The following TFAP2B variants were observed in gnomAD, a reference collection of about 807,000 sequenced individuals.
TFAP2B encodes transcription factor AP-2 beta.
In TFAP2B, 9 loss-of-function variants were observed where a neutral mutation model predicts 44.3. The ratio of observed to expected loss-of-function variants is 0.20; its 90% CI spans 0.12 to 0.35. The LOEUF is 0.35. Among genes scored for constraint, TFAP2B ranks in the 10% least tolerant of loss-of-function variants. TFAP2B has a pLI of 1.00. For synonymous variants in TFAP2B, 270 were observed against 263.8 expected, an observed-to-expected ratio of 1.02 and a Z score of -0.23; for missense variants, 509 against 600.0, an observed-to-expected ratio of 0.85 and a Z score of 1.59.
chr6:50,823,942 G>A (rs1770433987), intron 2 of TFAP2B, 77 bp downstream of exon 2: 1 of 1,448,544 alleles, frequency 6.9e-7, no homozygotes, highest in African/African-American at 1.4e-5. Flanking sequence ...GAGGTCAGGA[G>A]AGGGCAGCTC....
upstream of TFAP2B, chr6:50,818,658 G>T: frequency 1.9e-6 from 1 of 534,378 alleles, no homozygotes; most frequent in Non-Finnish European, 3.4e-6. Flanking sequence ...TGTAAATACG[G>T]GTTTATGATT....
rs1770429593 is a variant in TFAP2B at position 50,823,841 on chromosome 6, C to A, written c.516C>A (p.Gly172=). ...ACAGCCTCTCGCTGCACGGCCTCGG[C>A]CATCCCGGAATGGAAGACGTCCAGG... ...MGDSLSLHGL[G]HPGMEDVQSV... is the part of the protein sequence containing the mutation. The change falls in exon 2 of 7, where the codon GGC becomes GGA. Residue 172 remains glycine, a synonymous_variant. Coordinates refer to ENST00000393655, the MANE Select transcript of TFAP2B (RefSeq NM_003221.4). The A allele has an allele frequency of 6.4e-7, 1 of 1,559,920 alleles. No homozygotes were observed. The highest frequency in any genetic ancestry group is 8.7e-7 in the Non-Finnish European group (1 of 1,153,478).
Position 50,843,528 on chromosome 6 carries a change from T to A in TFAP2B, c.*136T>A, listed in dbSNP as rs2982621. 631,745 of 795,956 alleles carry A rather than the reference T, an allele frequency of 0.79. 245,215 individuals are homozygous for A. Among genetic ancestry groups the A allele is most frequent in the East Asian group, 0.92 (26,547 of 28,848 alleles). 49.3% of individuals were successfully genotyped at this position (795,956 alleles called of 1,614,324 possible). A position where few individuals can be genotyped will look rare whatever the true frequency, so the allele number is the denominator to read the frequency against. ...TAGAATACACATACAATCAAAATTT[T>A]AAAAAAAAAAGCTAAATAACTTAAA... On this transcript the variant is annotated 3_prime_UTR_variant, in exon 7 of 7. Transcript: ENST00000393655.
At chr6:50,836,741 T>G (rs1363506596) in intron 4 of TFAP2B, among the ~76,000 whole-genome samples, 1 of 152,308 alleles carries the variant, frequency 6.6e-6, no homozygotes, top group South Asian at 2.1e-4. Flanking sequence ...TTATTGCATG[T>G]TTTAAATGCA....
rs563259822 is a variant in TFAP2B at position 50,843,533 on chromosome 6, A to G, written c.*141A>G. 61 of 913,242 alleles carry G rather than the reference A, an allele frequency of 6.7e-5. 1 individual carries two copies. In the South Asian group the frequency reaches 7.3e-4, roughly 11 times the overall value. The allele number at this position is 913,242 out of a possible 1,614,324, so 56.6% of individuals were successfully genotyped here. A position where few individuals can be genotyped will look rare whatever the true frequency, so the allele number is the denominator to read the frequency against. ...TACACATACAATCAAAATTTTAAAA[A>G]AAAAAGCTAAATAACTTAAAAAAAA... is the stretch of plus-strand genomic sequence containing the variant. On this transcript the variant is annotated 3_prime_UTR_variant, in exon 7 of 7. Transcript: ENST00000393655.
At chr6:50,826,576 C>G (rs529544783) in intron 2 of TFAP2B, among the ~76,000 whole-genome samples, 4 of 143,760 alleles carry the variant, frequency 2.8e-5, no homozygotes, top group Non-Finnish European at 6.0e-5. Context: ...AGCGCGCGCG[C>G]GCGCGCGCGC....
intron 3 of TFAP2B, among the ~76,000 whole-genome samples, chr6:50,831,028 T>G (rs1379011070): frequency 6.6e-6 from 1 of 152,180 alleles, no homozygotes; most frequent in African/African-American, 2.4e-5. Flanking sequence ...GAGTCTGTGT[T>G]TATGAAGCTA....
In TFAP2B at chr6:50,844,772, G is replaced by C. The variant is rs573299110; in HGVS notation, c.*1380G>C. On this transcript the variant is annotated 3_prime_UTR_variant, in exon 7 of 7. Transcript: ENST00000393655. Reference sequence around the variant, plus strand: ...GGTGATTGCTGTTTAAGCAAGGAAAGAAGCAGCTTTACGAGTGGACGTGGG... The same window carrying C: ...GGTGATTGCTGTTTAAGCAAGGAAACAAGCAGCTTTACGAGTGGACGTGGG... The C allele has an allele frequency of 3.9e-5, 6 of 152,352 alleles. No individual in the cohort carries two copies. In the East Asian group the frequency reaches 9.7e-4, roughly 25 times the overall value. The allele number at this position is 152,352 out of a possible 1,614,324, so 9.4% of individuals were successfully genotyped here.
upstream of TFAP2B, chr6:50,818,646 G>A: frequency 2.0e-6 from 1 of 509,768 alleles, no homozygotes; most frequent in Non-Finnish European, 3.5e-6. Context: ...TGGGTGTCTG[G>A]GTGTAAATAC....
intron 3 of TFAP2B, among the ~76,000 whole-genome samples, chr6:50,835,271 A>C (rs983175064): frequency 3.3e-5 from 5 of 152,368 alleles, no homozygotes; most frequent in African/African-American, 9.6e-5. Context: ...TGATCAGGGC[A>C]CCTGTTGTAA....
In TFAP2B at chr6:50,828,688, A is replaced by C; in HGVS notation, c.601+9A>C. ...GTCTGTCATTAAAAAAGGTATGGATAATTCCCCCCAAAAAGTAAGCAAAGT... is the reference window on the plus strand; with the variant it reads ...GTCTGTCATTAAAAAAGGTATGGATCATTCCCCCCAAAAAGTAAGCAAAGT... On this transcript the variant is annotated intron_variant, in intron 3 of 6. Coordinates refer to ENST00000393655, the MANE Select transcript of TFAP2B (RefSeq NM_003221.4). 6.2e-7 allele frequency: 1 copy of C among 1,613,998 alleles called. No homozygotes were observed. Among genetic ancestry groups the C allele is most frequent in the Non-Finnish European group, 8.5e-7 (1 of 1,179,918 alleles).
chr6:50,821,827 CG>C, intron 1 of TFAP2B: 3 of 251,846 alleles, frequency 1.2e-5, no homozygotes, highest in Admixed American at 4.9e-5. Context: ...GAGGAAGGGG[CG>C]GCCGAGCAGT....
chr6:50,819,955 C>G (rs1291155318), intron 1 of TFAP2B, among the ~76,000 whole-genome samples: 1 of 151,802 alleles, frequency 6.6e-6, no homozygotes, highest in Non-Finnish European at 1.5e-5. Flanking sequence ...CGCTTTTAAG[C>G]GGAATGGTCT....
chr6:50,842,293 G>C (rs181420577), intron 6 of TFAP2B, among the ~76,000 whole-genome samples: 1 of 152,216 alleles, frequency 6.6e-6, no homozygotes, highest in Non-Finnish European at 1.5e-5. Flanking sequence ...AGGTAGGCAC[G>C]CAGGATTTCT....
rs180807882 is a variant in TFAP2B, at chr6:50,842,959, A to G, written c.1083-133A>G. 2.4e-6 allele frequency: 3 copies of G among 1,247,134 alleles called. No homozygotes were observed. In the African/African-American group the frequency reaches 4.4e-5, roughly 18 times the overall value. 77.3% of individuals were successfully genotyped at this position (1,247,134 alleles called of 1,614,324 possible). ...AAGGGAGGGCGCTGGGAAAGGAAAC[A>G]GAGCGGAATCGCCCACATTAGCCTC... On this transcript the variant is annotated intron_variant, in intron 6 of 6. Coordinates refer to ENST00000393655, the MANE Select transcript of TFAP2B (RefSeq NM_003221.4).
At chr6:50,837,652 C>T (rs1316999660) in intron 4 of TFAP2B, among the ~76,000 whole-genome samples, 2 of 152,138 alleles carry the variant, frequency 1.3e-5, no homozygotes, top group African/African-American at 4.8e-5. Flanking sequence ...AACTCCATGA[C>T]AAGGAAGGAA....
intron 1 of TFAP2B, among the ~76,000 whole-genome samples, chr6:50,820,614 T>A (rs1770315574): frequency 6.6e-6 from 1 of 152,280 alleles, no homozygotes. Context: ...CTGGTGGGGA[T>A]TGTTTCGGTT....
Position 50,843,465 on chromosome 6 carries a change from T to G in TFAP2B, c.*73T>G. On this transcript the variant is annotated 3_prime_UTR_variant, in exon 7 of 7. Coordinates refer to ENST00000393655, the MANE Select transcript of TFAP2B (RefSeq NM_003221.4). ...AACAGACAAAAATTTAATTTTAGCT[T>G]TAAAATATTGGATTGGCTTTGGAAG... 6.9e-7 allele frequency: 1 copy of G among 1,457,742 alleles called. No individual in the cohort carries two copies. Among genetic ancestry groups the G allele is most frequent in the African/African-American group, 1.4e-5 (1 of 70,106 alleles). 90.3% of individuals were successfully genotyped at this position (1,457,742 alleles called of 1,614,324 possible). A position where few individuals can be genotyped will look rare whatever the true frequency, so the allele number is the denominator to read the frequency against.
chr6:50,821,147 G>A (rs1236310002), intron 1 of TFAP2B, among the ~76,000 whole-genome samples: 1 of 152,162 alleles, frequency 6.6e-6, no homozygotes, highest in Non-Finnish European at 1.5e-5. Context: ...GTTGCCCCTG[G>A]CTTTGCCTGG....
Sources: allele counts gnomAD v4.1 joint callset (sites outside exome capture counted in the v4.1 genomes callset), GRCh38; gene constraint gnomAD v4.1.1; transcripts MANE v1.5; gene names NCBI Gene and HGNC (gene_info 2026-07-23, HGNC 2026-07-21).